The following PKD1 variants were observed in gnomAD, a reference collection of about 807,000 sequenced individuals.
PKD1 encodes the protein polycystin 1, transient receptor potential channel interacting, also known as polycystin-1.
PKD1 carries 81 observed loss-of-function variants against 361.7 expected under a neutral mutation model. The ratio of observed to expected loss-of-function variants is 0.22; its 90% confidence interval spans 0.19 to 0.27. The LOEUF is 0.27. Among genes scored for constraint, PKD1 ranks in the 10% least tolerant of loss-of-function variants. The pLI, the probability that PKD1 is intolerant of heterozygous loss-of-function variation, is 1.00. For missense variants in PKD1, 6,399 were observed against 6,118.3 expected, an observed-to-expected ratio of 1.05 and a Z score of -1.53; for synonymous variants, 3,615 against 2,818.3, an observed-to-expected ratio of 1.28 and a Z score of -8.95.
At position 2,111,155 on chromosome 16, in the gene PKD1, T is replaced by C; in HGVS notation, c.4012A>G (p.Thr1338Ala). ...WTFGDGSSNT[T>A]VRGCPTVTHN... ...GTCACCGTCGGGCACCCCCGCACGGTCGTGTTGGAGGAGCCATCCCCGAAG... is the reference window on the plus strand; with the variant it reads ...GTCACCGTCGGGCACCCCCGCACGGCCGTGTTGGAGGAGCCATCCCCGAAG... The change falls in exon 15 of 46, where the codon ACC (threonine) becomes GCC (alanine). Residue 1338 changes from threonine (T) to alanine (A), a missense_variant. Thr to Ala is a moderately conservative substitution (Grantham distance 58). Transcript: ENST00000262304. 1.9e-6 allele frequency: 3 copies of C among 1,611,106 alleles called. No homozygotes were observed. In the South Asian group the frequency reaches 3.3e-5, roughly 18 times the overall value.
rs2091280902 is a variant in PKD1, at chr16:2,088,889, ACACACAC to A, written c.*831_*837del. ...CTCGCGCGTGCGCGCGCGCACACAC[ACACACAC>A]ACAGTCACCTTCCTCCACCCTGGGA... On this transcript the variant is annotated 3_prime_UTR_variant, in exon 46 of 46. Transcript: ENST00000262304. The A allele has an allele frequency of 2.2e-6, 1 of 455,636 alleles. No homozygotes were observed. Among genetic ancestry groups the A allele is most frequent in the African/African-American group, 2.0e-5 (1 of 50,376 alleles). The allele number at this position is 455,636 out of a possible 1,614,324, so 28.2% of individuals were successfully genotyped here.
rs2092303763 is a variant in PKD1 at position 2,105,421 on chromosome 16, T to C, written c.7917A>G (p.Arg2639=). ...CCGTGATGTTCTTGCGTATCTGGGCTCGGTGCTGCCGCTCGTGCTTGGGCT... is the reference window on the plus strand; with the variant it reads ...CCGTGATGTTCTTGCGTATCTGGGCCCGGTGCTGCCGCTCGTGCTTGGGCT... The part of the protein sequence containing the change: ...AAEPKHERQH[R]AQIRKNITET... Residue 2639 remains arginine (R), a synonymous_variant, in exon 21 of 46, where the codon CGA becomes CGG. Transcript: ENST00000262304. 1 of 1,585,148 alleles carries C rather than the reference T, an allele frequency of 6.3e-7. No homozygotes were observed. The highest frequency in any genetic ancestry group is 8.5e-7 in the Non-Finnish European group (1 of 1,172,100).
At chr16:2,129,126 G>GCTGA (rs1306948476) in intron 1 of PKD1, among the ~76,000 whole-genome samples, 1 of 150,878 alleles carries the variant, frequency 6.6e-6, no homozygotes, top group East Asian at 1.9e-4. Context: ...CTCCCAAAGT[G>GCTGA]CTGAGATTAC....
intron 16 of PKD1, 195 bp from the exon 17 acceptor site, chr16:2,107,143 G>A (rs1272614599): frequency 4.1e-5 from 27 of 659,598 alleles, no homozygotes; most frequent in Admixed American, 4.0e-4. Context: ...CATACACAGG[G>A]CAGAGGACAC....
chr16:2,116,715 G>C, intron 7 of PKD1, 71 bp from the exon 8 acceptor site: 1 of 1,201,626 alleles, frequency 8.3e-7, no homozygotes, highest in Non-Finnish European at 1.2e-6. Context: ...ACTGGGGACC[G>C]AGCCGCCCGA....
chr16:2,102,052 G>A lies in PKD1; in HGVS notation c.9397+9C>T, dbSNP rs774275471. On this transcript the variant is annotated intron_variant, in intron 26 of 45. Coordinates refer to ENST00000262304, the MANE Select transcript of PKD1 (RefSeq NM_001009944.3). ...AGGGGAGGCCCTGCCACCCCGCTGC[G>A]CCCCTCACCTGAGCCCCGGCCCCAG... is the stretch of plus-strand genomic sequence containing the variant. 5.6e-5 allele frequency: 86 copies of A among 1,528,766 alleles called. No homozygotes were observed. Among genetic ancestry groups the A allele is most frequent in the Non-Finnish European group, 6.7e-5 (75 of 1,125,860 alleles). 94.7% of individuals were successfully genotyped at this position (1,528,766 alleles called of 1,614,324 possible).
In PKD1 at chr16:2,105,878, G is replaced by T; in HGVS notation, c.7850C>A (p.Thr2617Asn). The T allele has an allele frequency of 6.3e-7, 1 of 1,596,186 alleles. No individual in the cohort carries two copies. The highest frequency in any genetic ancestry group is 8.5e-7 in the Non-Finnish European group (1 of 1,179,616). The change falls in exon 20 of 46, where the codon ACC becomes AAC. Residue 2617 changes from threonine to asparagine, a missense_variant. Physicochemically the swap from Thr to Asn is moderately conservative, Grantham distance 65. Transcript: ENST00000262304. ...HVIEYSLALV[T>N]VLNEYERALD... ...GGCTGCACTCACCTCGTTCAGCACG[G>T]TGACCAGGGCCAACGAGTACTCGAT...
chr16:2,089,160 C>T lies in PKD1; in HGVS notation c.*567G>A, dbSNP rs769130086. 15 of 170,496 alleles carry T rather than the reference C, an allele frequency of 8.8e-5. No homozygotes were observed. The highest frequency in any genetic ancestry group is 9.6e-5 in the African/African-American group (4 of 41,788). 10.6% of individuals were successfully genotyped at this position (170,496 alleles called of 1,614,324 possible). Reference sequence around the variant, plus strand: ...CCAAGCAGCAGCCGGGCTGCCATAACGCCACCACACCTACCAAGCGCAGCA... The same window carrying T: ...CCAAGCAGCAGCCGGGCTGCCATAATGCCACCACACCTACCAAGCGCAGCA... On this transcript the variant is annotated 3_prime_UTR_variant, in exon 46 of 46. Transcript: ENST00000262304.
At position 2,109,368 on chromosome 16, in the gene PKD1, C is replaced by T; in HGVS notation, c.5799G>A (p.Gly1933=). 2.5e-6 allele frequency: 4 copies of T among 1,593,456 alleles called. No individual in the cohort carries two copies. The highest frequency in any genetic ancestry group is 3.4e-6 in the Non-Finnish European group (4 of 1,174,776). ...GGGGGAAGCTGTGGGAGAAACGGGG[C>T]CCGGGGAGCACCTCGGGGTTGGCCC... The part of the protein sequence containing the change: ...VGGANPEVLP[G]PRFSHSFPRV... The change falls in exon 15 of 46, where the codon GGG becomes GGA. Residue 1933 remains glycine, a synonymous_variant. Coordinates refer to ENST00000262304, the MANE Select transcript of PKD1 (RefSeq NM_001009944.3).
chr16:2,118,165 G>C lies in PKD1; in HGVS notation c.827C>G (p.Thr276Ser). 1.9e-6 allele frequency: 3 copies of C among 1,572,468 alleles called. No individual in the cohort carries two copies. The South Asian group carries it at 3.4e-5, about 18-fold the overall frequency. ...CAGAGGTCCGTGGGGCCCCACCAGG[G>C]TGGCCCCTGGGGAGGCAGGGAAGAC... ...QHVFPASPGATLVGPHGPLAS... is the reference protein window; with the variant it reads ...QHVFPASPGASLVGPHGPLAS... The change falls in exon 5 of 46, where the codon ACC becomes AGC. Residue 276 changes from threonine (T) to serine (S), a missense_variant. Transcript: ENST00000262304. This position sits in a 1 kb window ranked among gnomAD's most constrained non-coding sequence, Gnocchi z 6.0.
chr16:2,133,932 C>A (rs1349504423), intron 1 of PKD1, among the ~76,000 whole-genome samples: 2 of 151,462 alleles, frequency 1.3e-5, no homozygotes, highest in African/African-American at 2.4e-5. Context: ...CCTTGCTCTC[C>A]GCTCAGCAGC....
rs763131487 is a variant in PKD1, at chr16:2,109,107, G to A, written c.6060C>T (p.Ile2020=). ...LQKVQGDSLV[I]LSGRDVTYTP... ...TGTAGGTGACGTCGCGGCCCGACAG[G>A]ATGACCAGCGAGTCGCCCTGGACCT... The change falls in exon 15 of 46, where the codon ATC becomes ATT. Residue 2020 remains isoleucine (I), a synonymous_variant. Transcript: ENST00000262304. 1 of 1,603,108 alleles carries A rather than the reference G, an allele frequency of 6.2e-7. No individual in the cohort carries two copies.
rs144761292 is a variant in PKD1, at chr16:2,101,672, A to C, written c.9397+389T>G. On this transcript the variant is annotated intron_variant, in intron 26 of 45. Coordinates refer to ENST00000262304, the MANE Select transcript of PKD1 (RefSeq NM_001009944.3). ...AATGCCAGAAGGGCAATTCCAATGA[A>C]AGGAAAATGGAGGTACTGAAGAAAC... Among the ~76,000 whole-genome samples the C allele has an allele frequency of 3.5e-3, 538 of 152,374 alleles. 1 individual carries two copies. Among genetic ancestry groups the C allele is most frequent in the African/African-American group, 0.012 (519 of 41,592 alleles).
In PKD1 at chr16:2,114,550, G is replaced by A. The variant is rs773426104; in HGVS notation, c.2473C>T (p.Arg825Trp). The A allele has an allele frequency of 3.8e-5, 60 of 1,593,568 alleles. No individual in the cohort carries two copies. The highest frequency in any genetic ancestry group is 8.9e-5 in the East Asian group (4 of 44,772). Residue 825 changes from arginine to tryptophan, a missense_variant, in exon 11 of 46, where the codon CGG becomes TGG. Physicochemically the swap from Arg to Trp is moderately radical, Grantham distance 101. Transcript: ENST00000262304. ...FDVVSPVAGL[R>W]VIYPAPRDGR... ...TCGCGGGGGGCAGGGTAGATGACCC[G>A]CAGCCCAGCCACTGGGGAGACCACG...
At chr16:2,105,218 C>G (rs1374192871) in intron 21 of PKD1, 104 bp downstream of exon 21, 2 of 1,118,770 alleles carry the variant, frequency 1.8e-6, no homozygotes, top group African/African-American at 3.2e-5. Flanking sequence ...GGAGCCCAGG[C>G]TGGAGGCTCA....
In PKD1 at chr16:2,109,846, G is replaced by C. The variant is rs1237465729; in HGVS notation, c.5321C>G (p.Pro1774Arg). ...CGTCATGGTGACCAAGTGCAGGCCG[G>C]GTGTGGGGAAGCTATGGGTGGTAAA... ...EPFTTHSFPT[P>R]GLHLVTMTAG... Residue 1774 changes from proline (P) to arginine (R), a missense_variant, in exon 15 of 46, where the codon CCC (proline) becomes CGC (arginine). Coordinates refer to ENST00000262304, the MANE Select transcript of PKD1 (RefSeq NM_001009944.3). 3.1e-6 allele frequency: 5 copies of C among 1,610,574 alleles called. No homozygotes were observed. The highest frequency in any genetic ancestry group is 4.2e-6 in the Non-Finnish European group (5 of 1,179,852).
At chr16:2,128,816 T>C (rs1226326768) in intron 1 of PKD1, among the ~76,000 whole-genome samples, 1 of 151,960 alleles carries the variant, frequency 6.6e-6, no homozygotes. Flanking sequence ...GCGATTCTCC[T>C]GCCTCAGCCC....
At chr16:2,098,345 A>G (rs1396993013) in intron 30 of PKD1, among the ~76,000 whole-genome samples, 1 of 151,994 alleles carries the variant, frequency 6.6e-6, no homozygotes, top group Non-Finnish European at 1.5e-5. Context: ...AGTAGCTGGG[A>G]TTACAGGTGC....
chr16:2,132,592 GA>G (rs1156324208), intron 1 of PKD1, among the ~76,000 whole-genome samples: 13,614 of 132,606 alleles, frequency 0.1, 966 homozygotes, highest in African/African-American at 0.17. Flanking sequence ...AAAAAAAAAA[GA>G]AAAAAAAAAA....
Sources: gnomAD v4.1 joint callset for allele counts (sites outside exome capture counted in the v4.1 genomes callset) on GRCh38, gnomAD v4.1.1 for gene constraint, Gnocchi (gnomAD v3.1) non-coding constraint, MANE v1.5 for transcripts, NCBI Gene and HGNC (gene_info 2026-07-23, HGNC 2026-07-21) for gene names.